The following NLGN1 variants were observed in gnomAD, a reference collection of about 807,000 sequenced individuals.
The protein encoded by NLGN1 is neuroligin 1.
Under a neutral mutation model 65.5 loss-of-function variants are expected in NLGN1, and 12 were observed. That is an observed-to-expected ratio of 0.18 (90% CI 0.12 to 0.30). The LOEUF (loss-of-function observed/expected upper bound fraction) is 0.30. Among genes scored for constraint, NLGN1 ranks in the 10% least tolerant of loss-of-function variants. NLGN1 has a pLI of 1.00. For missense variants in NLGN1, 750 were observed against 1,007.1 expected (o/e 0.74, Z 3.46); for synonymous variants, 350 against 359.5 (o/e 0.97, Z 0.30).
rs114228395 is a variant in NLGN1 at position 173,866,529 on chromosome 3, A to G, written c.646+58697A>G. ...TTGAGAAATTGGGCGTATGTTTGCTATAATCTATTATGAGCAAAACTATTT... is the reference window on the plus strand; with the variant it reads ...TTGAGAAATTGGGCGTATGTTTGCTGTAATCTATTATGAGCAAAACTATTT... On this transcript the variant is annotated intron_variant, in intron 4 of 6. Coordinates refer to ENST00000457714, the Ensembl canonical transcript of NLGN1. Among the ~76,000 whole-genome samples the G allele has an allele frequency of 3.0e-3, 451 of 152,354 alleles. 6 individuals are homozygous for G. The highest frequency in any genetic ancestry group is 0.01 in the Middle Eastern group (3 of 294).
At chr3:173,732,713 A>C (rs1001717986) in intron 3 of NLGN1, among the ~76,000 whole-genome samples, 1 of 152,168 alleles carries the variant, frequency 6.6e-6, no homozygotes, top group East Asian at 1.9e-4. Flanking sequence ...TCAAAGAATT[A>C]AATTTTCATT....
At chr3:174,159,922 A>G (rs770894001) in intron 4 of NLGN1, among the ~76,000 whole-genome samples, 22 of 151,820 alleles carry the variant, frequency 1.4e-4, no homozygotes, top group Non-Finnish European at 1.8e-4. Flanking sequence ...TTGCAGCATT[A>G]AAGCCACAGC....
chr3:173,950,898 G>T (rs1003668346), intron 4 of NLGN1, among the ~76,000 whole-genome samples: 7 of 151,786 alleles, frequency 4.6e-5, no homozygotes, highest in Admixed American at 6.6e-5. Context: ...ATGGACTCTT[G>T]CTCTGTTGCC....
At chr3:173,628,795 GCGATTCTCCTAGCTCAGTCT>G (rs774911393) in intron 3 of NLGN1, among the ~76,000 whole-genome samples, 1 of 151,956 alleles carries the variant, frequency 6.6e-6, no homozygotes, top group Non-Finnish European at 1.5e-5. Flanking sequence ...CTGGGCTCAA[GCGATTCTCCTAGCTCAGTCT>G]CCCTAACAGC....
At chr3:173,428,486 T>G (rs1716556644) in intron 1 of NLGN1, among the ~76,000 whole-genome samples, 1 of 152,014 alleles carries the variant, frequency 6.6e-6, no homozygotes, top group Admixed American at 6.6e-5. Context: ...ACAAAATATT[T>G]TATGGATATA....
chr3:173,504,599 G>A (rs1731693157), intron 2 of NLGN1, among the ~76,000 whole-genome samples: 1 of 151,968 alleles, frequency 6.6e-6, no homozygotes, highest in Non-Finnish European at 1.5e-5. Flanking sequence ...ACAGCCCAAG[G>A]TTAAGAAAGA....
At chr3:173,407,929 G>C (rs759434957) in intron 1 of NLGN1, among the ~76,000 whole-genome samples, 2 of 152,154 alleles carry the variant, frequency 1.3e-5, no homozygotes, top group African/African-American at 2.4e-5. Flanking sequence ...ATATCAGAAA[G>C]AGTTTGCGTC....
chr3:174,222,954 T>C (rs1207123436), intron 4 of NLGN1, among the ~76,000 whole-genome samples: 1 of 152,220 alleles, frequency 6.6e-6, no homozygotes, highest in African/African-American at 2.4e-5. Flanking sequence ...TTTTAAAGTG[T>C]GCTACTAATA....
At chr3:174,083,821 T>C (rs1248422304) in intron 4 of NLGN1, among the ~76,000 whole-genome samples, 7 of 151,390 alleles carry the variant, frequency 4.6e-5, no homozygotes, top group Non-Finnish European at 1.5e-5. Flanking sequence ...ATGGTGGCCA[T>C]TGGAAACAGT....
chr3:174,270,788 A>AAGAT (rs1195770769), intron 4 of NLGN1, among the ~76,000 whole-genome samples: 1 of 151,872 alleles, frequency 6.6e-6, no homozygotes, highest in Non-Finnish European at 1.5e-5. Context: ...GGCAACTGAA[A>AAGAT]AGATAAGGAG....
chr3:173,970,142 T>C (rs928090290), intron 4 of NLGN1, among the ~76,000 whole-genome samples: 3 of 152,178 alleles, frequency 2.0e-5, no homozygotes, highest in African/African-American at 7.2e-5. Context: ...ATTTTCCCAA[T>C]GCAAAACCAT....
chr3:174,062,409 T>C (rs1737614991), intron 4 of NLGN1, among the ~76,000 whole-genome samples: 1 of 152,152 alleles, frequency 6.6e-6, no homozygotes, highest in Non-Finnish European at 1.5e-5. Context: ...TACCACATGT[T>C]GGCTAAATGG....
At chr3:173,656,858 T>G (rs1174404008) in intron 3 of NLGN1, among the ~76,000 whole-genome samples, 1 of 151,982 alleles carries the variant, frequency 6.6e-6, no homozygotes, top group Non-Finnish European at 1.5e-5. Context: ...CAATCTAAGC[T>G]ACAAGAAAGT....
chr3:173,518,940 G>T lies in NLGN1; in HGVS notation c.-321+83862G>T, dbSNP rs1218977976. Among the ~76,000 whole-genome samples the T allele has an allele frequency of 4.6e-5, 7 of 152,110 alleles. No individual in the cohort carries two copies. In the East Asian group the frequency reaches 1.2e-3, roughly 25 times the overall value. ...AGCCCCTCTTTACAGGCCCAGAGAG[G>T]TCTAGAAGGATATAATGATCTTGTT... On this transcript the variant is annotated intron_variant, in intron 2 of 6. Coordinates refer to ENST00000457714, the Ensembl canonical transcript of NLGN1.
intron 2 of NLGN1, among the ~76,000 whole-genome samples, chr3:173,524,901 C>G (rs1030521532): frequency 1.3e-5 from 2 of 152,106 alleles, no homozygotes; most frequent in African/African-American, 4.8e-5. Flanking sequence ...CCTTGCATTC[C>G]TGTAATAAAA....
intron 2 of NLGN1, among the ~76,000 whole-genome samples, chr3:173,559,283 T>C (rs921423867): frequency 1.3e-5 from 2 of 152,230 alleles, no homozygotes; most frequent in Admixed American, 6.5e-5. Flanking sequence ...TTTTAGCATA[T>C]GAGTCTCTTT....
At chr3:174,240,076 A>G (rs1561365246) in intron 4 of NLGN1, among the ~76,000 whole-genome samples, 1 of 152,152 alleles carries the variant, frequency 6.6e-6, no homozygotes. Context: ...ATAAAAAGAC[A>G]TGAGGCTGAT....
chr3:173,723,277 T>G (rs1393906772), intron 3 of NLGN1, among the ~76,000 whole-genome samples: 1 of 152,220 alleles, frequency 6.6e-6, no homozygotes, highest in Non-Finnish European at 1.5e-5. Context: ...TTTAAAACAT[T>G]TTTCATTGTT....
intron 4 of NLGN1, among the ~76,000 whole-genome samples, chr3:174,149,286 A>G (rs534069666): frequency 6.6e-6 from 1 of 152,284 alleles, no homozygotes; most frequent in Admixed American, 6.5e-5. Context: ...TAACAATACT[A>G]TCTACCAAAA....
Sources: allele counts gnomAD v4.1 joint callset (sites outside exome capture counted in the v4.1 genomes callset), GRCh38; gene constraint gnomAD v4.1.1; transcripts MANE v1.5; gene names NCBI Gene and HGNC (gene_info 2026-07-23, HGNC 2026-07-21).